CDH13: variants seen among roughly 807,000 people sequenced by gnomAD.
CDH13 encodes cadherin 13.
CDH13 carries 24 observed loss-of-function variants against 63.8 expected under a neutral mutation model. The ratio of observed to expected loss-of-function variants is 0.38; its 90% CI spans 0.27 to 0.53. The LOEUF is 0.53. Among genes scored for constraint, CDH13 ranks in the 20% least tolerant of loss-of-function variants. The pLI is 0.85. For synonymous variants in CDH13, 503 were observed against 355.3 expected, an observed-to-expected ratio of 1.42 and a Z score of -4.67; for missense variants, 1,049 against 903.1, an observed-to-expected ratio of 1.16 and a Z score of -2.07.
chr16:82,945,654 A>G (rs1211740741), intron 2 of CDH13, among the ~76,000 whole-genome samples: 2 of 152,158 alleles, frequency 1.3e-5, no homozygotes, highest in East Asian at 1.9e-4. Flanking sequence ...ATACCGCAGG[A>G]TGATAAACTC....
intron 6 of CDH13, among the ~76,000 whole-genome samples, chr16:83,358,337 T>G (rs1039390799): frequency 6.6e-6 from 1 of 152,128 alleles, no homozygotes; most frequent in African/African-American, 2.4e-5. Flanking sequence ...AGTAGCGATA[T>G]GATGGCTAGA....
chr16:83,081,534 C>T (rs2033252260), intron 3 of CDH13, among the ~76,000 whole-genome samples: 2 of 152,180 alleles, frequency 1.3e-5, no homozygotes, highest in Non-Finnish European at 2.9e-5. Flanking sequence ...TATAACAATA[C>T]CAGTGACTGG....
At position 82,855,259 on chromosome 16, in the gene CDH13, T is replaced by C. The variant is rs76959726; in HGVS notation, c.46-3103T>C. Reference sequence around the variant, plus strand: ...GGGCCCTGCAAAGTAATCTCAGAGATTGAGCCACACATAGACAAAGATGGA... The same window carrying C: ...GGGCCCTGCAAAGTAATCTCAGAGACTGAGCCACACATAGACAAAGATGGA... On this transcript the variant is annotated intron_variant, in intron 1 of 13. Transcript: ENST00000567109. 1.7e-4 allele frequency among the ~76,000 whole-genome samples: 26 copies of C among 152,316 alleles called. No individual in the cohort carries two copies. In the East Asian group the frequency reaches 4.4e-3, roughly 26 times the overall value.
At chr16:82,985,317 T>C (rs117077468) in intron 2 of CDH13, among the ~76,000 whole-genome samples, 3 of 152,146 alleles carry the variant, frequency 2.0e-5, no homozygotes, top group African/African-American at 7.2e-5. Flanking sequence ...ATTAGAGGGC[T>C]GATTCATCCT....
At chr16:83,770,615 T>C (rs1245065040) in intron 11 of CDH13, among the ~76,000 whole-genome samples, 1 of 152,248 alleles carries the variant, frequency 6.6e-6, no homozygotes. Context: ...TTGCCCATTT[T>C]TGAGGTTATT....
chr16:83,582,148 C>T (rs1405829187), intron 7 of CDH13, among the ~76,000 whole-genome samples: 1 of 152,072 alleles, frequency 6.6e-6, no homozygotes, highest in Admixed American at 6.6e-5. Flanking sequence ...TAGCAGGGTC[C>T]CAGGATCCTT....
At chr16:83,009,804 T>C (rs1188638925) in intron 2 of CDH13, among the ~76,000 whole-genome samples, 1 of 152,130 alleles carries the variant, frequency 6.6e-6, no homozygotes, top group Non-Finnish European at 1.5e-5. Flanking sequence ...CATGAACAAA[T>C]ACAGACTGCT....
Position 83,678,479 on chromosome 16 carries a change from G to T in CDH13, c.1538+18G>T, listed in dbSNP as rs1319486101. The T allele has an allele frequency of 6.2e-7, 1 of 1,613,540 alleles. No homozygotes were observed. The highest frequency in any genetic ancestry group is 1.7e-5 in the Admixed American group (1 of 60,004). The stretch of plus-strand genomic sequence containing the variant: ...ACCATCAGGTGGGTGAGTGGCTCCG[G>T]AACCACAGACGGGAGGTGGGCAGGA... On this transcript the variant is annotated intron_variant, in intron 10 of 13. Transcript: ENST00000567109.
chr16:83,655,754 C>T (rs542905403), intron 8 of CDH13, among the ~76,000 whole-genome samples: 1 of 152,304 alleles, frequency 6.6e-6, no homozygotes, highest in East Asian at 1.9e-4. Context: ...TCGAGCCTGG[C>T]ATGTAGCAGG....
At chr16:82,748,385 C>G (rs1429383773) in intron 1 of CDH13, among the ~76,000 whole-genome samples, 2 of 152,116 alleles carry the variant, frequency 1.3e-5, no homozygotes, top group African/African-American at 4.8e-5. Context: ...AAAATGGTTG[C>G]CTGAGTTCTT....
intron 3 of CDH13, among the ~76,000 whole-genome samples, chr16:83,043,040 A>G (rs1366786288): frequency 6.6e-6 from 1 of 152,208 alleles, no homozygotes; most frequent in Non-Finnish European, 1.5e-5. Flanking sequence ...TGGAGAAAAT[A>G]TATAGCTTGA....
intron 7 of CDH13, among the ~76,000 whole-genome samples, chr16:83,525,928 T>A (rs1463154748): frequency 6.6e-6 from 1 of 152,122 alleles, no homozygotes; most frequent in Non-Finnish European, 1.5e-5. Context: ...CCCAAGAAGC[T>A]GGAAAAAGTG....
chr16:83,505,724 G>A (rs914443238), intron 7 of CDH13, among the ~76,000 whole-genome samples: 1 of 151,792 alleles, frequency 6.6e-6, no homozygotes, highest in Non-Finnish European at 1.5e-5. Flanking sequence ...TTTATTTTTA[G>A]TAGAGACGGT....
intron 1 of CDH13, among the ~76,000 whole-genome samples, chr16:82,847,741 A>C (rs376500677): frequency 6.6e-6 from 1 of 152,158 alleles, no homozygotes; most frequent in Non-Finnish European, 1.5e-5. Flanking sequence ...CTTCCCAGTG[A>C]CCGTTTCTCT....
chr16:83,668,758 TCTTC>T (rs1914234153), intron 8 of CDH13, among the ~76,000 whole-genome samples: 2 of 152,158 alleles, frequency 1.3e-5, no homozygotes, highest in South Asian at 4.1e-4. Flanking sequence ...CACTCTTCCT[TCTTC>T]CTTCCTTCCT....
chr16:83,793,307 C>T (rs916304342), intron 13 of CDH13, among the ~76,000 whole-genome samples: 7 of 152,112 alleles, frequency 4.6e-5, no homozygotes, highest in African/African-American at 1.7e-4. Flanking sequence ...GGCAAAAACA[C>T]GCCTCATTTT....
At chr16:83,625,191 T>TGTGTGTGTGTGTGCTC (rs1491212874) in intron 8 of CDH13, among the ~76,000 whole-genome samples, 2 of 151,844 alleles carry the variant, frequency 1.3e-5, no homozygotes, top group South Asian at 2.1e-4. Context: ...TGTGTGCTCA[T>TGTGTGTGTGTGTGCTC]GTGTGTGTGT....
chr16:83,290,759 C>T (rs923310420), intron 5 of CDH13, among the ~76,000 whole-genome samples: 2 of 152,168 alleles, frequency 1.3e-5, no homozygotes, highest in African/African-American at 4.8e-5. Flanking sequence ...CTCCAAGGCC[C>T]TCGTTGTGAC....
intron 1 of CDH13, among the ~76,000 whole-genome samples, chr16:82,813,442 A>C (rs540467290): frequency 6.6e-6 from 1 of 152,236 alleles, no homozygotes; most frequent in Admixed American, 6.5e-5. Context: ...TTATTGACTG[A>C]TGTAGACTCT....
Sources: gnomAD v4.1 joint callset for allele counts (sites outside exome capture counted in the v4.1 genomes callset) on GRCh38, gnomAD v4.1.1 for gene constraint, MANE v1.5 for transcripts, NCBI Gene and HGNC (gene_info 2026-07-23, HGNC 2026-07-21) for gene names.